C12orf42: variants seen among roughly 807,000 people sequenced by gnomAD.
The protein encoded by C12orf42 is uncharacterized protein C12orf42.
A neutral mutation model predicts 21.6 loss-of-function variants in C12orf42; 25 were observed. The observed-to-expected ratio is 1.16, with a 90% CI of 0.84 to 1.62. The LOEUF (loss-of-function observed/expected upper bound fraction) is 1.62. Among genes scored for constraint, C12orf42 ranks in the 40% most tolerant of loss-of-function variants. The pLI is 0.00. For synonymous variants in C12orf42, 174 were observed against 175.0 expected, an observed-to-expected ratio of 0.99 and a Z score of 0.05; for missense variants, 483 against 459.3, an observed-to-expected ratio of 1.05 and a Z score of -0.47.
intron 2 of C12orf42, among the ~76,000 whole-genome samples, chr12:103,433,172 T>G (rs1285162577): frequency 6.6e-6 from 1 of 152,226 alleles, no homozygotes; most frequent in Admixed American, 6.5e-5. Flanking sequence ...TTCCTGGCCC[T>G]GAATAAATAT....
intron 4 of C12orf42, among the ~76,000 whole-genome samples, chr12:103,347,617 A>C (rs573669485): frequency 6.6e-6 from 1 of 152,316 alleles, no homozygotes; most frequent in African/African-American, 2.4e-5. Context: ...ACCAGCCATC[A>C]TTCCCAGGTA....
intron 2 of C12orf42, among the ~76,000 whole-genome samples, chr12:103,415,434 T>A (rs761665363): frequency 6.6e-6 from 1 of 152,130 alleles, no homozygotes; most frequent in Non-Finnish European, 1.5e-5. Context: ...TTGGACTTAA[T>A]AGACATTTAG....
At chr12:103,055,103 C>T in the C12orf42 span, among the ~76,000 whole-genome samples, 3 of 151,758 alleles carry the variant, frequency 2.0e-5, no homozygotes, top group Admixed American at 6.6e-5. Context: ...AAAAGCATTC[C>T]TTTCTCTTCT....
the C12orf42 span, among the ~76,000 whole-genome samples, chr12:103,109,650 C>T: frequency 4.2e-4 from 62 of 149,320 alleles, no homozygotes; most frequent in Admixed American, 1.5e-3. Context: ...ATATATAAGA[C>T]GCAAAAAGCA....
At chr12:103,129,212 T>C in the C12orf42 span, among the ~76,000 whole-genome samples, 3 of 152,182 alleles carry the variant, frequency 2.0e-5, no homozygotes, top group Non-Finnish European at 2.9e-5. Context: ...AGAGAGAAAC[T>C]GCTGAAGCAA....
At chr12:103,276,923 GAAGTA>G (rs2035806602) in intron 5 of C12orf42, among the ~76,000 whole-genome samples, 1 of 152,138 alleles carries the variant, frequency 6.6e-6, no homozygotes, top group African/African-American at 2.4e-5. Context: ...GATGATACTT[GAAGTA>G]GAGTTGAGAT....
chr12:103,229,363 G>A, the C12orf42 span, among the ~76,000 whole-genome samples: 1 of 152,168 alleles, frequency 6.6e-6, no homozygotes, highest in Admixed American at 6.5e-5. Context: ...CCAATGCTCT[G>A]GTTGCTTTGC....
chr12:103,461,907 A>G (rs944498921), intron 2 of C12orf42, among the ~76,000 whole-genome samples: 5 of 152,000 alleles, frequency 3.3e-5, no homozygotes, highest in Non-Finnish European at 5.9e-5. Flanking sequence ...TAAGTTGCAA[A>G]GTGCTATGCA....
intron 4 of C12orf42, among the ~76,000 whole-genome samples, chr12:103,345,971 A>G (rs2042588650): frequency 6.6e-6 from 1 of 152,206 alleles, no homozygotes. Flanking sequence ...CTTCAAAGCA[A>G]TAAGTTTTGT....
intron 4 of C12orf42, among the ~76,000 whole-genome samples, chr12:103,324,118 G>C (rs1370478300): frequency 6.6e-6 from 1 of 152,112 alleles, no homozygotes; most frequent in African/African-American, 2.4e-5. Context: ...ATTGAAGTGT[G>C]TATGTGTCAA....
At chr12:103,325,534 G>A (rs550424332) in intron 4 of C12orf42, among the ~76,000 whole-genome samples, 1 of 152,320 alleles carries the variant, frequency 6.6e-6, no homozygotes, top group South Asian at 2.1e-4. Context: ...TGACAAGAAG[G>A]CTGAGTCTTG....
chr12:103,226,842 A>T, the C12orf42 span, among the ~76,000 whole-genome samples: 1 of 152,076 alleles, frequency 6.6e-6, no homozygotes, highest in Non-Finnish European at 1.5e-5. Context: ...GGAAAGAAGG[A>T]AGGTTTGGGA....
the C12orf42 span, among the ~76,000 whole-genome samples, chr12:103,133,621 G>A: frequency 6.6e-6 from 1 of 151,752 alleles, no homozygotes. Context: ...ATTGTTTACA[G>A]CCAAAGAAAT....
At chr12:103,347,195 C>A (rs2042696702) in intron 4 of C12orf42, among the ~76,000 whole-genome samples, 1 of 151,980 alleles carries the variant, frequency 6.6e-6, no homozygotes, top group Non-Finnish European at 1.5e-5. Flanking sequence ...CTCCTGTTAT[C>A]CCTCCCCTAG....
chr12:103,240,326 G>A (rs949671293), intron 10 of C12orf42, among the ~76,000 whole-genome samples: 1 of 152,068 alleles, frequency 6.6e-6, no homozygotes, highest in Non-Finnish European at 1.5e-5. Context: ...CCATACAAGG[G>A]CACATGGGTT....
chr12:103,450,069 G>GA (rs1308536927), intron 2 of C12orf42, among the ~76,000 whole-genome samples: 1 of 151,842 alleles, frequency 6.6e-6, no homozygotes, highest in Non-Finnish European at 1.5e-5. Flanking sequence ...GGAATTAATT[G>GA]TATATATTGA....
chr12:103,322,942 T>C (rs1187738218), intron 4 of C12orf42, among the ~76,000 whole-genome samples: 1 of 152,214 alleles, frequency 6.6e-6, no homozygotes, highest in Non-Finnish European at 1.5e-5. Flanking sequence ...TAATGCATGA[T>C]TGCATATTTC....
chr12:103,099,838 T>C, the C12orf42 span, among the ~76,000 whole-genome samples: 20 of 152,070 alleles, frequency 1.3e-4, no homozygotes, highest in Non-Finnish European at 2.9e-4. Context: ...ACAACTTTCA[T>C]TTCTATGGAC....
intron 4 of C12orf42, among the ~76,000 whole-genome samples, chr12:103,288,964 C>G (rs2036634297): frequency 6.6e-6 from 1 of 152,084 alleles, no homozygotes; most frequent in Non-Finnish European, 1.5e-5. Flanking sequence ...AAACAATTTC[C>G]TCATATCTTG....
Sources: gnomAD v4.1 joint callset for allele counts (sites outside exome capture counted in the v4.1 genomes callset) on GRCh38, gnomAD v4.1.1 for gene constraint, MANE v1.5 for transcripts, NCBI Gene and HGNC (gene_info 2026-07-23, HGNC 2026-07-21) for gene names.